The following PDE10A variants were observed in gnomAD, a reference collection of about 807,000 sequenced individuals.
PDE10A encodes cAMP and cAMP-inhibited cGMP 3',5'-cyclic phosphodiesterase 10A.
PDE10A carries 39 observed loss-of-function variants against 97.7 expected under a neutral mutation model. The observed-to-expected ratio is 0.40, with a 90% CI of 0.31 to 0.52. The LOEUF is 0.52. Ranked by LOEUF, PDE10A falls within the 20% of genes least tolerant of loss-of-function variation. The pLI is 0.56. For missense variants in PDE10A, 731 were observed against 1,047.8 expected (o/e 0.70, Z 4.17); for synonymous variants, 371 against 376.8 (o/e 0.98, Z 0.18).
chr6:165,862,827 C>A lies in PDE10A; in HGVS notation c.-615+124702G>T, dbSNP rs534364555. Among the ~76,000 whole-genome samples the A allele has an allele frequency of 1.9e-4, 29 of 152,226 alleles. No individual in the cohort carries two copies. In the South Asian group the frequency reaches 6.0e-3, roughly 32 times the overall value. On this transcript the variant is annotated intron_variant, in intron 1 of 19. Transcript: ENST00000366882. The stretch of plus-strand genomic sequence containing the variant: ...CCAAGTAGCTGGGACTACAGGCATG[C>A]AGCACCACACCCAGCTAATTTTTTG...
intron 1 of PDE10A, among the ~76,000 whole-genome samples, chr6:165,904,391 G>A (rs1213246913): frequency 6.6e-6 from 1 of 152,092 alleles, no homozygotes; most frequent in Non-Finnish European, 1.5e-5. Context: ...TCTTATTTTT[G>A]CAATGAACAA....
intron 1 of PDE10A, among the ~76,000 whole-genome samples, chr6:165,955,227 G>A (rs916249276): frequency 2.0e-5 from 3 of 152,188 alleles, no homozygotes; most frequent in Admixed American, 1.3e-4. Context: ...GGTGTATAGG[G>A]TTGGAGGTGC....
Position 165,450,357 on chromosome 6 carries a change from T to C in PDE10A, c.1029A>G (p.Gln343=). The C allele has an allele frequency of 1.3e-6, 2 of 1,514,848 alleles. No individual in the cohort carries two copies. 93.8% of individuals were successfully genotyped at this position (1,514,848 alleles called of 1,614,324 possible). The change falls in exon 4 of 22, where the codon CAA becomes CAG. Residue 343 remains glutamine, a synonymous_variant. Coordinates refer to ENST00000539869, the MANE Select transcript of PDE10A (RefSeq NM_001385079.1). ...ESAPKEVSRY[Q]DTNMQGVVYE... ...ATACAACTCCCTGCATATTCGTATC[T>C]TGGTACTTTGGATTAAAAATAACAA...
intron 1 of PDE10A, among the ~76,000 whole-genome samples, chr6:165,967,797 G>A (rs1244261306): frequency 1.3e-5 from 2 of 152,230 alleles, no homozygotes; most frequent in Non-Finnish European, 1.5e-5. Context: ...CAACTTTCAT[G>A]AATTTATACA....
At chr6:165,873,603 T>C (rs546028787) in intron 1 of PDE10A, among the ~76,000 whole-genome samples, 22 of 152,354 alleles carry the variant, frequency 1.4e-4, no homozygotes, top group Non-Finnish European at 2.9e-4. Context: ...GATTTTTTTC[T>C]TAACTTAAAA....
At chr6:165,367,982 T>C (rs1193158573) in intron 18 of PDE10A, among the ~76,000 whole-genome samples, 2 of 152,186 alleles carry the variant, frequency 1.3e-5, no homozygotes, top group Non-Finnish European at 2.9e-5. Flanking sequence ...ATATAAAAAG[T>C]TATTTTTCCT....
chr6:165,871,826 G>A (rs1781211909), intron 1 of PDE10A, among the ~76,000 whole-genome samples: 1 of 152,194 alleles, frequency 6.6e-6, no homozygotes, highest in Admixed American at 6.5e-5. Context: ...GATCCTGGGG[G>A]TGGGGTTATG....
chr6:165,656,260 A>T (rs2983529), intron 1 of PDE10A, among the ~76,000 whole-genome samples: 2,350 of 15,482 alleles, frequency 0.15, 38 homozygotes, highest in African/African-American at 0.26. Flanking sequence ...TCTCTCTCTC[A>T]CACACACACA....
chr6:165,860,072 C>T (rs559521022), intron 1 of PDE10A, among the ~76,000 whole-genome samples: 32 of 152,226 alleles, frequency 2.1e-4, no homozygotes, highest in African/African-American at 6.3e-4. Flanking sequence ...GGATAAAAGG[C>T]TACAAATTGG....
intron 5 of PDE10A, among the ~76,000 whole-genome samples, chr6:165,436,116 G>C (rs1338255986): frequency 1.3e-5 from 2 of 152,102 alleles, no homozygotes; most frequent in Non-Finnish European, 2.9e-5. Flanking sequence ...TGTAGAAATT[G>C]GGGGCAATAT....
chr6:165,735,466 G>A (rs1562710681), intron 1 of PDE10A, among the ~76,000 whole-genome samples: 1 of 152,082 alleles, frequency 6.6e-6, no homozygotes, highest in East Asian at 1.9e-4. Context: ...AGGTAGGTGG[G>A]TAGGTAAGTA....
chr6:165,968,576 C>G (rs1379970579), intron 1 of PDE10A, among the ~76,000 whole-genome samples: 3 of 152,268 alleles, frequency 2.0e-5, no homozygotes, highest in Admixed American at 6.5e-5. Context: ...ATGACTCAGA[C>G]AGAGAGAGAT....
intron 3 of PDE10A, among the ~76,000 whole-genome samples, chr6:165,472,422 T>C (rs1338393988): frequency 6.6e-6 from 1 of 152,162 alleles, no homozygotes; most frequent in Non-Finnish European, 1.5e-5. Context: ...TTTAAAGAGC[T>C]ATCTTTTGTA....
At chr6:165,674,548 G>T (rs1314281827) in intron 1 of PDE10A, among the ~76,000 whole-genome samples, 1 of 152,138 alleles carries the variant, frequency 6.6e-6, no homozygotes, top group Non-Finnish European at 1.5e-5. Context: ...GCCCGCCAAC[G>T]ACTGGCTCCT....
chr6:165,654,756 C>T (rs766495720), intron 1 of PDE10A, among the ~76,000 whole-genome samples: 1 of 152,204 alleles, frequency 6.6e-6, no homozygotes, highest in Non-Finnish European at 1.5e-5. Flanking sequence ...ATCCATGCCA[C>T]TCCACCGCAA....
intron 18 of PDE10A, among the ~76,000 whole-genome samples, chr6:165,375,687 G>A (rs963685040): frequency 1.3e-5 from 2 of 152,206 alleles, no homozygotes; most frequent in African/African-American, 4.8e-5. Flanking sequence ...AGAAGTCAAT[G>A]TCTAGCTCCA....
intron 5 of PDE10A, among the ~76,000 whole-genome samples, chr6:165,440,372 C>T (rs1790352231): frequency 6.6e-6 from 1 of 152,206 alleles, no homozygotes; most frequent in African/African-American, 2.4e-5. Context: ...TCTGCTCTTC[C>T]ATTTTTCCCA....
intron 4 of PDE10A, among the ~76,000 whole-genome samples, chr6:165,449,195 C>T (rs546100488): frequency 5.9e-5 from 9 of 152,214 alleles, no homozygotes; most frequent in African/African-American, 9.6e-5. Context: ...AAATTTAAGA[C>T]GATATGCTCA....
At position 165,368,605 on chromosome 6, in the gene PDE10A, T is replaced by A. The variant is rs894928615; in HGVS notation, c.2783+10589A>T. Among the ~76,000 whole-genome samples, 5 of 152,026 alleles carry A rather than the reference T, an allele frequency of 3.3e-5. No individual in the cohort carries two copies. The East Asian group carries it at 9.7e-4, about 29-fold the overall frequency. On this transcript the variant is annotated intron_variant, in intron 18 of 21. Transcript: ENST00000539869. ...TGAAATATCACTCCCCCAACACAAA[T>A]AGCTCAAAATAGAAAATGGATAATT... is the stretch of plus-strand genomic sequence containing the variant.
Sources: allele counts gnomAD v4.1 joint callset (sites outside exome capture counted in the v4.1 genomes callset), GRCh38; gene constraint gnomAD v4.1.1; transcripts MANE v1.5; gene names NCBI Gene and HGNC (gene_info 2026-07-23, HGNC 2026-07-21).